Variants in ITGAD observed in about 807,000 individuals in gnomAD.
ITGAD encodes integrin alpha-D.
Under a neutral mutation model 139.0 loss-of-function variants are expected in ITGAD, and 105 were observed. The ratio of observed to expected loss-of-function variants is 0.76; its 90% confidence interval spans 0.65 to 0.89. The LOEUF is 0.89. Among genes scored for constraint, ITGAD ranks in the 40% least tolerant of loss-of-function variants. The pLI, the probability that ITGAD is intolerant of heterozygous loss-of-function variation, is 0.00. For missense variants in ITGAD, 1,384 were observed against 1,487.3 expected (o/e 0.93, Z 1.14); for synonymous variants, 569 against 598.3 (o/e 0.95, Z 0.71).
At chr16:31,396,933 C>T (rs1567321006) in intron 2 of ITGAD, among the ~76,000 whole-genome samples, 1 of 152,096 alleles carries the variant, frequency 6.6e-6, no homozygotes, top group African/African-American at 2.4e-5. Context: ...TTTGAAAGCA[C>T]ATGTCTTCAG....
rs763890941 is a variant in ITGAD, at chr16:31,418,101, C to A, written c.2526C>A (p.Arg842=). The A allele has an allele frequency of 5.6e-6, 9 of 1,613,940 alleles. No homozygotes were observed. The highest frequency in any genetic ancestry group is 1.3e-5 in the African/African-American group (1 of 74,896). Reference sequence around the variant, plus strand: ...AGCAGCCCCATCAGAGTGCCCTGCGCCTGGCATGTGAGACAGTGCCCACTG... The same window carrying A: ...AGCAGCCCCATCAGAGTGCCCTGCGACTGGCATGTGAGACAGTGCCCACTG... ...AQKQPHQSAL[R]LACETVPTED... Residue 842 remains arginine, a synonymous_variant, in exon 21 of 30, where the codon CGC becomes CGA. Transcript: ENST00000389202.
In ITGAD at chr16:31,411,406, G is replaced by A; in HGVS notation, c.1596G>A (p.Glu532=). 1 of 1,614,026 alleles carries A rather than the reference G, an allele frequency of 6.2e-7. No homozygotes were observed. Among genetic ancestry groups the A allele is most frequent in the Non-Finnish European group, 8.5e-7 (1 of 1,179,964 alleles). Residue 532 remains glutamate, a synonymous_variant, in exon 14 of 30, where the codon GAG becomes GAA. Coordinates refer to ENST00000389202, the MANE Select transcript of ITGAD (RefSeq NM_005353.3). ...TGACAGTGTTGGGGGATGTGAATGA[G>A]GACAAGCTGATAGACGTGGCCATTG... ...AALTVLGDVN[E]DKLIDVAIGA...
chr16:31,412,783 T>G (rs2081763221), intron 14 of ITGAD, 55 bp from the exon 15 acceptor site: 1 of 1,609,394 alleles, frequency 6.2e-7, no homozygotes, highest in Non-Finnish European at 8.5e-7. Flanking sequence ...TGTTACTTAT[T>G]TCCAACTTCT....
intron 10 of ITGAD, among the ~76,000 whole-genome samples, chr16:31,409,360 C>G (rs1234733765): frequency 1.3e-5 from 2 of 151,472 alleles, no homozygotes; most frequent in Admixed American, 1.3e-4. Context: ...AAAACAAACC[C>G]AGATGGGTTT....
intron 23 of ITGAD, among the ~76,000 whole-genome samples, chr16:31,418,973 G>A (rs1251777499): frequency 2.7e-5 from 4 of 146,074 alleles, no homozygotes; most frequent in African/African-American, 2.6e-5. Context: ...GCAGTGAGCC[G>A]AGATCATGCC....
chr16:31,418,304 AC>A lies in ITGAD; in HGVS notation c.2622del (p.Phe875SerfsTer2). ...HPIFHEGSNG[T>X]FIVTFDVSYK... The stretch of plus-strand genomic sequence containing the variant: ...TCTTTCCTTCTTCTTCCCTCAGGGC[AC>A]CTTCATAGTCACATTCGATGTCTCC... On this transcript the variant is annotated frameshift_variant, in exon 22 of 30. Transcript: ENST00000389202. LOFTEE classifies it high-confidence loss of function. 1.2e-6 allele frequency: 2 copies of A among 1,613,704 alleles called. No homozygotes were observed. Among genetic ancestry groups the A allele is most frequent in the Admixed American group, 1.7e-5 (1 of 59,996 alleles).
At position 31,417,256 on chromosome 16, in the gene ITGAD, T is replaced by A. The variant is rs563791772; in HGVS notation, c.2499+610T>A. 6.6e-4 allele frequency among the ~76,000 whole-genome samples: 48 copies of A among 72,636 alleles called. 1 individual carries two copies. The highest frequency in any genetic ancestry group is 1.2e-3 in the Non-Finnish European group (38 of 32,354). 47.7% of individuals were successfully genotyped at this position (72,636 alleles called of 152,430 possible). A position where few individuals can be genotyped will look rare whatever the true frequency, so the allele number is the denominator to read the frequency against. On this transcript the variant is annotated intron_variant, in intron 20 of 29. Coordinates refer to ENST00000389202, the MANE Select transcript of ITGAD (RefSeq NM_005353.3). ...TATTTATTTATTTATTTATTTATTT[T>A]TTAGAGACAGGGTCTCACCATGCTG...
At chr16:31,416,793 T>G (rs1206092206) in intron 20 of ITGAD, 147 bp downstream of exon 20, 1 of 739,382 alleles carries the variant, frequency 1.4e-6, no homozygotes, top group Non-Finnish European at 2.1e-6. Flanking sequence ...ACAGAGAAAG[T>G]GCATAAAGCA....
At chr16:31,412,728 C>T (rs1597142335) in intron 14 of ITGAD, 110 bp from the exon 15 acceptor site, 3 of 1,366,768 alleles carry the variant, frequency 2.2e-6, no homozygotes, top group East Asian at 2.3e-5. Flanking sequence ...GTTCACAGCT[C>T]ACCCCTTCTC....
At chr16:31,422,967 A>G (rs2082035727) in intron 23 of ITGAD, 147 bp from the exon 24 acceptor site, 1 of 671,666 alleles carries the variant, frequency 1.5e-6, no homozygotes, top group Admixed American at 2.3e-5. Flanking sequence ...CTGGGATTAC[A>G]GGCATGAGCC....
chr16:31,406,367 C>T (rs545210011), intron 7 of ITGAD, among the ~76,000 whole-genome samples: 18 of 152,242 alleles, frequency 1.2e-4, no homozygotes, highest in Admixed American at 2.6e-4. Flanking sequence ...GCCACTGTGC[C>T]CGGCCGATAG....
At position 31,397,925 on chromosome 16, in the gene ITGAD, G is replaced by C. The variant is rs767365376; in HGVS notation, c.427+16G>C. The C allele has an allele frequency of 2.5e-6, 4 of 1,590,766 alleles. No individual in the cohort carries two copies. Among genetic ancestry groups the C allele is most frequent in the Non-Finnish European group, 3.4e-6 (4 of 1,163,690 alleles). Reference sequence around the variant, plus strand: ...GCCACGCCAGGTAGGTCCCTGGCAGGCCATGGTTCCCTGTGGAGCACATGC... The same window carrying C: ...GCCACGCCAGGTAGGTCCCTGGCAGCCCATGGTTCCCTGTGGAGCACATGC... On this transcript the variant is annotated intron_variant, in intron 5 of 29. Transcript: ENST00000389202.
At chr16:31,422,439 C>T (rs576745384) in intron 23 of ITGAD, among the ~76,000 whole-genome samples, 2 of 152,242 alleles carry the variant, frequency 1.3e-5, no homozygotes, top group Non-Finnish European at 2.9e-5. Flanking sequence ...TTCACATTTA[C>T]TCACCTGCCC....
Position 31,397,435 on chromosome 16 carries a change from G to C in ITGAD, c.214G>C (p.Gly72Arg), listed in dbSNP as rs200967127. 3.1e-6 allele frequency: 5 copies of C among 1,600,558 alleles called. No homozygotes were observed. The highest frequency in any genetic ancestry group is 1.1e-5 in the South Asian group (1 of 88,766). ...GRLYDCAAAT[G>R]MCQPIPLHIR... ...GCTGTATGACTGCGCAGCTGCCACCGGCATGTGCCAGCCCATCCCGCTGCA... is the reference window on the plus strand; with the variant it reads ...GCTGTATGACTGCGCAGCTGCCACCCGCATGTGCCAGCCCATCCCGCTGCA... The change falls in exon 3 of 30, where the codon GGC becomes CGC. Residue 72 changes from glycine (G) to arginine (R), a missense_variant. Coordinates refer to ENST00000389202, the MANE Select transcript of ITGAD (RefSeq NM_005353.3).
At chr16:31,407,373 G>A (rs2081564357) in intron 7 of ITGAD, 142 bp from the exon 8 acceptor site, 2 of 809,186 alleles carry the variant, frequency 2.5e-6, no homozygotes, top group Non-Finnish European at 3.8e-6. Flanking sequence ...AACCCAAAAC[G>A]GCAAAATCAA....
rs1214621685 is a variant in ITGAD, at chr16:31,407,753, C to T, written c.859-13C>T. ...TGCTGGGCTCATCCTCCTCGGCTGT[C>T]TCTCTGCTGCAGGTGGGACACGCTT... On this transcript the variant is annotated splice_polypyrimidine_tract_variant and intron_variant, in intron 8 of 29. Coordinates refer to ENST00000389202, the MANE Select transcript of ITGAD (RefSeq NM_005353.3). 2 of 1,613,810 alleles carry T rather than the reference C, an allele frequency of 1.2e-6. No homozygotes were observed. Among genetic ancestry groups the T allele is most frequent in the South Asian group, 1.1e-5 (1 of 91,030 alleles).
chr16:31,416,594 T>A lies in ITGAD; in HGVS notation c.2447T>A (p.Val816Asp), dbSNP rs1447318090. The change falls in exon 20 of 30, where the codon GTC becomes GAC. Residue 816 changes from valine to aspartate, a missense_variant. Physicochemically the swap from Val to Asp is radical, Grantham distance 152. Transcript: ENST00000389202. Reference protein sequence around the residue: ...NAGEDSYGTVVSLYYPAGLSH... With the variant: ...NAGEDSYGTVDSLYYPAGLSH... ...GGTGAGGATTCCTACGGAACCGTGGTCAGCCTCTACTATCCAGCAGGGCTG... is the reference window on the plus strand; with the variant it reads ...GGTGAGGATTCCTACGGAACCGTGGACAGCCTCTACTATCCAGCAGGGCTG... The A allele has an allele frequency of 1.2e-6, 2 of 1,613,818 alleles. No homozygotes were observed. The highest frequency in any genetic ancestry group is 1.7e-6 in the Non-Finnish European group (2 of 1,179,866).
In ITGAD at chr16:31,394,537, CCCTA is replaced by C. The variant is rs371554857; in HGVS notation, c.137+200_137+203del. Among the ~76,000 whole-genome samples the C allele has an allele frequency of 1.1e-3, 173 of 152,298 alleles. 4 individuals carry two copies. The South Asian group carries it at 0.035, about 31-fold the overall frequency. On this transcript the variant is annotated intron_variant, in intron 2 of 29. Transcript: ENST00000389202. ...AAAGGCCACAAAACTCTAGACAAGACCCTACCTTACCTCGGGAGGGAAGCCTTGA... is the reference window on the plus strand; with the variant it reads ...AAAGGCCACAAAACTCTAGACAAGACCCTTACCTCGGGAGGGAAGCCTTGA...
At chr16:31,412,549 C>T (rs974087864) in intron 14 of ITGAD, among the ~76,000 whole-genome samples, 21 of 152,122 alleles carry the variant, frequency 1.4e-4, no homozygotes, top group Admixed American at 6.5e-5. Context: ...TCCTTGCCCA[C>T]GGCCTCGTGG....
Sources: gnomAD v4.1 joint callset for allele counts (sites outside exome capture counted in the v4.1 genomes callset) on GRCh38, gnomAD v4.1.1 for gene constraint, MANE v1.5 for transcripts, NCBI Gene and HGNC (gene_info 2026-07-23, HGNC 2026-07-21) for gene names.